OPRM1: variants seen among roughly 807,000 people sequenced by gnomAD.
OPRM1 encodes the protein opioid receptor mu 1.
Under a neutral mutation model 31.8 loss-of-function variants are expected in OPRM1, and 27 were observed. The observed-to-expected ratio is 0.85, with a 90% CI of 0.63 to 1.17. OPRM1 has a LOEUF of 1.17. Among genes scored for constraint, OPRM1 ranks in the 50% most tolerant of loss-of-function variants. The pLI, the probability that OPRM1 is intolerant of heterozygous loss-of-function variation, is 0.00. For missense variants in OPRM1, 536 were observed against 511.1 expected (o/e 1.05, Z -0.47); for synonymous variants, 196 against 189.9 (o/e 1.03, Z -0.26).
At chr6:154,110,613 G>A (rs1032510590) in intron 3 of OPRM1, among the ~76,000 whole-genome samples, 2 of 152,058 alleles carry the variant, frequency 1.3e-5, no homozygotes, top group African/African-American at 2.4e-5. Context: ...CATTGGCCGG[G>A]CACGGTGGCT....
At chr6:154,202,556 C>T (rs1777157231) in intron 3 of OPRM1, among the ~76,000 whole-genome samples, 1 of 152,096 alleles carries the variant, frequency 6.6e-6, no homozygotes, top group South Asian at 2.1e-4. Flanking sequence ...TTCGAAACAA[C>T]ACCAAATAAG....
chr6:154,049,351 C>T (rs56291865), intron 1 of OPRM1, among the ~76,000 whole-genome samples: 5,337 of 152,156 alleles, frequency 0.035, 134 homozygotes, highest in East Asian at 0.11. Context: ...GAAAAGGACA[C>T]GTGTTTATAG....
chr6:154,022,656 A>C (rs968598497), intron 1 of OPRM1, among the ~76,000 whole-genome samples: 1 of 152,146 alleles, frequency 6.6e-6, no homozygotes, highest in African/African-American at 2.4e-5. Flanking sequence ...AAGTTTCCCC[A>C]ATGTTTTCTG....
intron 3 of OPRM1, among the ~76,000 whole-genome samples, chr6:154,195,211 G>C (rs1341477528): frequency 7.0e-6 from 1 of 142,698 alleles, no homozygotes; most frequent in Non-Finnish European, 1.5e-5. Flanking sequence ...GCAGTGGCAC[G>C]ATCTCGGCTC....
In OPRM1 at chr6:154,119,134, A is replaced by G. The variant is rs1309513535; in HGVS notation, c.*413A>G. ...TAAAGTAAATGCTACCTCTGATCAA[A>G]GCACCTTGAATGGAAGGTCCGAGTC... On this transcript the variant is annotated 3_prime_UTR_variant, in exon 4 of 4. Coordinates refer to ENST00000330432, the MANE Select transcript of OPRM1 (RefSeq NM_000914.5). The G allele has an allele frequency of 1.0e-6, 1 of 991,846 alleles. No homozygotes were observed. Among genetic ancestry groups the G allele is most frequent in the Non-Finnish European group, 1.2e-6 (1 of 834,058 alleles). The allele number at this position is 991,846 out of a possible 1,614,324, so 61.4% of individuals were successfully genotyped here. A position where few individuals can be genotyped will look rare whatever the true frequency, so the allele number is the denominator to read the frequency against.
chr6:154,217,123 G>C lies in OPRM1; in HGVS notation c.1165-29570G>C, dbSNP rs189588979. On this transcript the variant is annotated intron_variant, in intron 3 of 3. Coordinates refer to the OPRM1 transcript ENST00000337049. ...AACGTGTACCATTCCAGCCTTCCAA[G>C]GGTGGAGTTGGTAGGTATGCACAGG... The C allele has an allele frequency of 1.0e-4, 17 of 163,874 alleles. No homozygotes were observed. The East Asian group carries it at 2.2e-3, about 21-fold the overall frequency. The allele number at this position is 163,874 out of a possible 1,614,324, so 10.2% of individuals were successfully genotyped here. A position where few individuals can be genotyped will look rare whatever the true frequency, so the allele number is the denominator to read the frequency against.
At chr6:154,183,578 T>A (rs1287163035) in intron 3 of OPRM1, among the ~76,000 whole-genome samples, 1 of 152,184 alleles carries the variant, frequency 6.6e-6, no homozygotes, top group Non-Finnish European at 1.5e-5. Context: ...TAAAGGTATG[T>A]TCTAACTACC....
intron 1 of OPRM1, among the ~76,000 whole-genome samples, chr6:154,069,868 A>G (rs1038265117): frequency 2.6e-5 from 4 of 152,104 alleles, no homozygotes; most frequent in African/African-American, 9.7e-5. Flanking sequence ...TCGGCTTGTT[A>G]GTGACTTTCT....
At chr6:154,043,280 A>G (rs1780441128) in intron 1 of OPRM1, among the ~76,000 whole-genome samples, 1 of 152,194 alleles carries the variant, frequency 6.6e-6, no homozygotes, top group Non-Finnish European at 1.5e-5. Flanking sequence ...TAATTATCAG[A>G]GAAGAGCATT....
At chr6:154,055,098 TA>T (rs1782977846) in intron 1 of OPRM1, among the ~76,000 whole-genome samples, 1 of 152,206 alleles carries the variant, frequency 6.6e-6, no homozygotes, top group Non-Finnish European at 1.5e-5. Context: ...AAGTGCTCTG[TA>T]AAGCTTGGCT....
chr6:154,068,562 T>G (rs1354336569), intron 1 of OPRM1, among the ~76,000 whole-genome samples: 1 of 152,176 alleles, frequency 6.6e-6, no homozygotes, highest in Non-Finnish European at 1.5e-5. Context: ...CTAAGTCGTA[T>G]CCCATTGTGT....
At chr6:154,223,067 G>A (rs779313259) in intron 3 of OPRM1, 99 of 895,150 alleles carry the variant, frequency 1.1e-4, no homozygotes, top group Non-Finnish European at 1.7e-4. Context: ...CAGACATTCC[G>A]ATGTTACCTT....
chr6:154,023,928 T>G (rs911634246), intron 1 of OPRM1, among the ~76,000 whole-genome samples: 14 of 152,140 alleles, frequency 9.2e-5, no homozygotes, highest in African/African-American at 3.4e-4. Context: ...AATATATTGT[T>G]GAATTCAGGT....
At chr6:154,202,339 C>T (rs776205625) in intron 3 of OPRM1, among the ~76,000 whole-genome samples, 1 of 152,088 alleles carries the variant, frequency 6.6e-6, no homozygotes. Flanking sequence ...GATCAAAGAC[C>T]TATAATTTCA....
intron 3 of OPRM1, among the ~76,000 whole-genome samples, chr6:154,184,430 A>C (rs1801162439): frequency 6.6e-6 from 1 of 152,032 alleles, no homozygotes; most frequent in African/African-American, 2.4e-5. Flanking sequence ...TGTACTAACA[A>C]GGAAGGCTTA....
intron 1 of OPRM1, among the ~76,000 whole-genome samples, chr6:154,018,553 A>G (rs542953704): frequency 4.8e-5 from 7 of 145,928 alleles, no homozygotes; most frequent in African/African-American, 1.8e-4. Context: ...AAAATGTGGG[A>G]GACCAAAACC....
intron 1 of OPRM1, among the ~76,000 whole-genome samples, chr6:154,031,053 T>C (rs995943025): frequency 1.2e-4 from 18 of 152,218 alleles, no homozygotes; most frequent in African/African-American, 4.3e-4. Context: ...AAGGTTACCA[T>C]GGAAGTTTAA....
At chr6:154,024,588 C>T (rs1473777014) in intron 1 of OPRM1, among the ~76,000 whole-genome samples, 1 of 147,166 alleles carries the variant, frequency 6.8e-6, no homozygotes, top group Non-Finnish European at 1.5e-5. Context: ...CTAATTTTAT[C>T]TTCAGTTTGT....
chr6:154,019,759 T>TTTTTTG (rs1778246272), intron 1 of OPRM1, among the ~76,000 whole-genome samples: 1 of 149,536 alleles, frequency 6.7e-6, no homozygotes, highest in African/African-American at 2.5e-5. Flanking sequence ...TTTTTTTTTT[T>TTTTTTG]TTTTTTGAGA....
Sources: gnomAD v4.1 joint callset for allele counts (sites outside exome capture counted in the v4.1 genomes callset) on GRCh38, gnomAD v4.1.1 for gene constraint, MANE v1.5 for transcripts, NCBI Gene and HGNC (gene_info 2026-07-23, HGNC 2026-07-21) for gene names.